The following TYW5 variants were observed in gnomAD, a reference collection of about 807,000 sequenced individuals.
The protein encoded by TYW5 is tRNA-yW synthesizing protein 5.
TYW5 carries 36 observed loss-of-function variants against 44.4 expected under a neutral mutation model. The observed-to-expected ratio is 0.81, with a 90% CI of 0.62 to 1.07. TYW5 has a LOEUF of 1.07. Among genes scored for constraint, TYW5 ranks in the 50% least tolerant of loss-of-function variants. The pLI is 0.00. For missense variants in TYW5, 354 were observed against 365.7 expected (o/e 0.97, Z 0.26); for synonymous variants, 121 against 128.1 (o/e 0.94, Z 0.37).
intron 6 of TYW5, 76 bp from the exon 7 acceptor site, chr2:199,936,123 T>C: frequency 3.2e-6 from 3 of 940,024 alleles, no homozygotes; most frequent in South Asian, 3.0e-5. Context: ...AAATATAAAT[T>C]TGAAAATTTA....
chr2:199,954,108 C>CT (rs71019097), intron 1 of TYW5, among the ~76,000 whole-genome samples: 8 of 148,208 alleles, frequency 5.4e-5, no homozygotes, highest in Non-Finnish European at 9.0e-5. Context: ...CCAACCCCGC[C>CT]TTTTTTTTTT....
chr2:199,934,323 T>G (rs1373458260), intron 7 of TYW5, among the ~76,000 whole-genome samples: 1 of 151,976 alleles, frequency 6.6e-6, no homozygotes, highest in East Asian at 1.9e-4. Context: ...TGCTTTTGTT[T>G]AAAAATATAT....
Position 199,932,329 on chromosome 2 carries a change from T to C in TYW5, c.*738A>G, listed in dbSNP as rs1268361015. The C allele has an allele frequency of 1.3e-5, 2 of 152,166 alleles. No homozygotes were observed. Among genetic ancestry groups the C allele is most frequent in the Admixed American group, 6.5e-5 (1 of 15,268 alleles). 9.4% of individuals were successfully genotyped at this position (152,166 alleles called of 1,614,324 possible). A position where few individuals can be genotyped will look rare whatever the true frequency, so the allele number is the denominator to read the frequency against. On this transcript the variant is annotated 3_prime_UTR_variant, in exon 8 of 8. Coordinates refer to ENST00000354611, the MANE Select transcript of TYW5 (RefSeq NM_001039693.3). The stretch of plus-strand genomic sequence containing the variant: ...TTCTAGGCAAATGTAATAGATATTG[T>C]GCGTTGCTCATGTTTTTCCTATCAG...
At chr2:199,942,636 C>A (rs775224108) in intron 3 of TYW5, 11 of 151,936 alleles carry the variant, frequency 7.2e-5, no homozygotes, top group Non-Finnish European at 1.5e-4. Flanking sequence ...CTAATGGAAT[C>A]CATTTAAAAA....
chr2:199,938,816 G>T, intron 5 of TYW5, 117 bp downstream of exon 5: 1 of 1,123,576 alleles, frequency 8.9e-7, no homozygotes, highest in Non-Finnish European at 1.2e-6. Flanking sequence ...CAAAAGTCAT[G>T]TTTCAGCAAA....
At chr2:199,954,412 T>C (rs968679024) in intron 1 of TYW5, among the ~76,000 whole-genome samples, 1 of 151,976 alleles carries the variant, frequency 6.6e-6, no homozygotes, top group African/African-American at 2.4e-5. Flanking sequence ...CATCCGACTT[T>C]TGTAACACTC....
At position 199,932,759 on chromosome 2, in the gene TYW5, C is replaced by A. The variant is rs1000082555; in HGVS notation, c.*308G>T. 1.1e-5 allele frequency: 3 copies of A among 274,258 alleles called. No homozygotes were observed. The highest frequency in any genetic ancestry group is 4.9e-5 in the Admixed American group (1 of 20,266). 17.0% of individuals were successfully genotyped at this position (274,258 alleles called of 1,614,324 possible). On this transcript the variant is annotated 3_prime_UTR_variant, in exon 8 of 8. Transcript: ENST00000354611. ...AAGGTTCTTGATGACATTACTGAAT[C>A]ATTGGATCAGAAACACTGCAGCACA...
In TYW5 at chr2:199,955,417, C is replaced by G. The variant is rs757736149; in HGVS notation, c.54G>C (p.Gln18His). 3.1e-6 allele frequency: 5 copies of G among 1,613,808 alleles called. No individual in the cohort carries two copies. The highest frequency in any genetic ancestry group is 4.2e-6 in the Non-Finnish European group (5 of 1,179,986). Residue 18 changes from glutamine to histidine, a missense_variant, in exon 1 of 8, where the codon CAG becomes CAC. By Grantham distance (24) the Gln-to-His change is conservative (BLOSUM62 0). Transcript: ENST00000354611. ...VPRLEGVSRE[Q>H]FMQHLYPQRK... is the part of the protein sequence containing the mutation. ...CCTGTGGGTAGAGGTGCTGCATGAA[C>G]TGCTCCCGAGAAACGCCCTCCAGCC...
intron 2 of TYW5, chr2:199,946,480 T>A (rs1022105934): frequency 6.6e-6 from 1 of 152,134 alleles, no homozygotes; most frequent in Non-Finnish European, 1.5e-5. Flanking sequence ...TGAGACTTTT[T>A]AAAAAAATCT....
rs887597399 is a variant in TYW5 at position 199,929,835 on chromosome 2, T to G, written c.*3232A>C. 1.3e-5 allele frequency: 2 copies of G among 152,428 alleles called. No individual in the cohort carries two copies. Among genetic ancestry groups the G allele is most frequent in the African/African-American group, 4.8e-5 (2 of 41,408 alleles). The allele number at this position is 152,428 out of a possible 1,614,324, so 9.4% of individuals were successfully genotyped here. ...CTAATAATTACACTCTGTTTAGTTT[T>G]TTTTTTTGAGACAGGTCTCCCCATG... is the stretch of plus-strand genomic sequence containing the variant. On this transcript the variant is annotated 3_prime_UTR_variant, in exon 8 of 8. Transcript: ENST00000354611.
In TYW5 at chr2:199,933,220, T is replaced by G. The variant is rs202154428; in HGVS notation, c.795A>C (p.Gly265=). 1.1e-5 allele frequency: 17 copies of G among 1,614,160 alleles called. No homozygotes were observed. Among genetic ancestry groups the G allele is most frequent in the Non-Finnish European group, 1.4e-5 (17 of 1,180,022 alleles). ...SECYDKTDTY[G]NKDPTAASRA... ...TTGATGCTGCTGTAGGATCTTTGTT[T>G]CCATAGGTATCTGTTTTATCATAGC... The change falls in exon 8 of 8, where the codon GGA becomes GGC. Residue 265 remains glycine, a synonymous_variant. Coordinates refer to ENST00000354611, the MANE Select transcript of TYW5 (RefSeq NM_001039693.3).
Position 199,930,149 on chromosome 2 carries a change from G to A in TYW5, c.*2918C>T, listed in dbSNP as rs2077364646. The A allele has an allele frequency of 6.6e-6, 1 of 151,778 alleles. No homozygotes were observed. Among genetic ancestry groups the A allele is most frequent in the Non-Finnish European group, 1.5e-5 (1 of 68,034 alleles). The allele number at this position is 151,778 out of a possible 1,614,324, so 9.4% of individuals were successfully genotyped here. ...CACCACCACAGCCAGCTAATTCTCT[G>A]TATTTTTGGTAGAGACAAGGTTTCG... On this transcript the variant is annotated 3_prime_UTR_variant, in exon 8 of 8. Transcript: ENST00000354611.
rs2077374435 is a variant in TYW5, at chr2:199,931,167, A to G, written c.*1900T>C. On this transcript the variant is annotated 3_prime_UTR_variant, in exon 8 of 8. Coordinates refer to ENST00000354611, the MANE Select transcript of TYW5 (RefSeq NM_001039693.3). ...CTCAACAAAGATGGAATATAATTAAATAGAAGAACTAGCACCAGTTATCAA... is the reference window on the plus strand; with the variant it reads ...CTCAACAAAGATGGAATATAATTAAGTAGAAGAACTAGCACCAGTTATCAA... The G allele has an allele frequency of 6.6e-6, 1 of 152,220 alleles. No homozygotes were observed. The allele number at this position is 152,220 out of a possible 1,614,324, so 9.4% of individuals were successfully genotyped here. A position where few individuals can be genotyped will look rare whatever the true frequency, so the allele number is the denominator to read the frequency against.
intron 2 of TYW5, chr2:199,946,786 T>C (rs2077507214): frequency 6.6e-6 from 1 of 152,184 alleles, no homozygotes; most frequent in African/African-American, 2.4e-5. Context: ...TTTTTTTGGT[T>C]GCACTAAAAA....
At chr2:199,943,869 AATAACAGATCAACT>A (rs1418633968) in intron 2 of TYW5, 35 bp from the exon 3 acceptor site, 1 of 1,518,874 alleles carries the variant, frequency 6.6e-7, no homozygotes, top group Non-Finnish European at 9.0e-7. Context: ...TGGACTTAAT[AATAACAGATCAACT>A]AGTAAGAATC....
intron 2 of TYW5, chr2:199,944,691 C>T (rs1020704317): frequency 6.6e-6 from 1 of 152,294 alleles, no homozygotes; most frequent in Non-Finnish European, 1.5e-5. Context: ...CCACTACACT[C>T]CTGCCTCCAA....
In TYW5 at chr2:199,933,060, T is replaced by TC; in HGVS notation, c.*6dup. ...AGTGTTAATGTGCATTGCATTCACT[T>TC]CATTATTTACTCAGAGTTCTTGCTG... On this transcript the variant is annotated 3_prime_UTR_variant, in exon 8 of 8. Coordinates refer to ENST00000354611, the MANE Select transcript of TYW5 (RefSeq NM_001039693.3). The TC allele has an allele frequency of 6.2e-7, 1 of 1,613,130 alleles. No individual in the cohort carries two copies. The highest frequency in any genetic ancestry group is 8.5e-7 in the Non-Finnish European group (1 of 1,179,608).
intron 2 of TYW5, chr2:199,947,582 T>C (rs765614909): frequency 5.9e-5 from 9 of 152,222 alleles, no homozygotes; most frequent in Non-Finnish European, 7.3e-5. Context: ...ATACCAAACA[T>C]AGCTTGTCCT....
chr2:199,933,224 T>C lies in TYW5; in HGVS notation c.791A>G (p.Tyr264Cys), dbSNP rs1395873151. ...TGCTGCTGTAGGATCTTTGTTTCCATAGGTATCTGTTTTATCATAGCATTC... is the reference window on the plus strand; with the variant it reads ...TGCTGCTGTAGGATCTTTGTTTCCACAGGTATCTGTTTTATCATAGCATTC... ...PSECYDKTDT[Y>C]GNKDPTAASR... The change falls in exon 8 of 8, where the codon TAT becomes TGT. Residue 264 changes from tyrosine to cysteine, a missense_variant. Transcript: ENST00000354611. The C allele has an allele frequency of 1.2e-6, 2 of 1,614,142 alleles. No individual in the cohort carries two copies. The highest frequency in any genetic ancestry group is 1.7e-5 in the Admixed American group (1 of 60,030).
Sources: gnomAD v4.1 joint callset for allele counts (sites outside exome capture counted in the v4.1 genomes callset) on GRCh38, gnomAD v4.1.1 for gene constraint, MANE v1.5 for transcripts, NCBI Gene and HGNC (gene_info 2026-07-23, HGNC 2026-07-21) for gene names.